PTPRT: variants seen among roughly 807,000 people sequenced by gnomAD.
PTPRT encodes the protein protein tyrosine phosphatase receptor type T, also known as receptor-type tyrosine-protein phosphatase T.
Under a neutral mutation model 176.8 loss-of-function variants are expected in PTPRT, and 56 were observed. The ratio of observed to expected loss-of-function variants is 0.32; its 90% confidence interval spans 0.26 to 0.40. The LOEUF is 0.40. Ranked by LOEUF, PTPRT falls within the 10% of genes least tolerant of loss-of-function variation. The probability of loss-of-function intolerance (pLI) is 1.00; values close to 1 mark genes in which losing one functional copy is unlikely to be tolerated. For synonymous variants in PTPRT, 783 were observed against 739.0 expected (o/e 1.06, Z -0.96); for missense variants, 1,540 against 1,908.2 (o/e 0.81, Z 3.60).
chr20:42,184,532 T>C (rs1413013554), intron 16 of PTPRT, among the ~76,000 whole-genome samples: 12 of 96,816 alleles, frequency 1.2e-4, no homozygotes, highest in Admixed American at 3.1e-4. Flanking sequence ...CTTCTTCTTC[T>C]TCCTCTTCCT....
chr20:43,136,666 C>G (rs892036283), intron 1 of PTPRT, among the ~76,000 whole-genome samples: 3 of 152,156 alleles, frequency 2.0e-5, no homozygotes, highest in African/African-American at 4.8e-5. Context: ...GCAACACCCT[C>G]AGACACCTCC....
intron 1 of PTPRT, chr20:42,969,359 G>A (rs1442421487): frequency 1.3e-5 from 2 of 152,244 alleles, no homozygotes; most frequent in Admixed American, 6.5e-5. Flanking sequence ...AGGTACTCTG[G>A]GCTTCAGATC....
intron 1 of PTPRT, among the ~76,000 whole-genome samples, chr20:43,162,840 T>A (rs1006197496): frequency 1.3e-5 from 2 of 152,218 alleles, no homozygotes; most frequent in Admixed American, 1.3e-4. Flanking sequence ...CCAAGCATCA[T>A]TTCCTGCCAG....
chr20:42,714,531 A>G (rs2076194492), intron 6 of PTPRT, among the ~76,000 whole-genome samples: 3 of 152,240 alleles, frequency 2.0e-5, no homozygotes, highest in African/African-American at 7.2e-5. Flanking sequence ...AGTCTCCAGC[A>G]TCTCATGACA....
intron 8 of PTPRT, among the ~76,000 whole-genome samples, chr20:42,451,672 G>T (rs2070830701): frequency 6.6e-6 from 1 of 152,138 alleles, no homozygotes; most frequent in African/African-American, 2.4e-5. Context: ...GCTCAAGAAG[G>T]TACTGGTCAG....
At chr20:42,467,109 A>G (rs942930633) in intron 8 of PTPRT, among the ~76,000 whole-genome samples, 1 of 152,200 alleles carries the variant, frequency 6.6e-6, no homozygotes, top group African/African-American at 2.4e-5. Flanking sequence ...TTCTCTAAAG[A>G]AGAAGGCTAA....
At chr20:42,846,168 C>G (rs1277438052) in intron 2 of PTPRT, among the ~76,000 whole-genome samples, 2 of 152,190 alleles carry the variant, frequency 1.3e-5, no homozygotes, top group Non-Finnish European at 2.9e-5. Context: ...ACTCGCCATG[C>G]TTTATAACGC....
intron 1 of PTPRT, among the ~76,000 whole-genome samples, chr20:42,963,189 A>G (rs1982101796): frequency 6.6e-6 from 1 of 151,690 alleles, no homozygotes; most frequent in African/African-American, 2.4e-5. Flanking sequence ...ACAGAGCAAG[A>G]CTCCGTCTCA....
chr20:42,985,270 G>C (rs1271817302), intron 1 of PTPRT, among the ~76,000 whole-genome samples: 4 of 152,174 alleles, frequency 2.6e-5, no homozygotes, highest in African/African-American at 9.7e-5. Flanking sequence ...GCCGAGGTGG[G>C]TGGATCATGA....
chr20:42,122,130 T>G (rs879691097), intron 19 of PTPRT, among the ~76,000 whole-genome samples: 22 of 152,180 alleles, frequency 1.4e-4, no homozygotes, highest in Admixed American at 1.0e-3. Flanking sequence ...GTGCAATACA[T>G]ACAGTAACAA....
At chr20:42,345,630 A>G (rs1448685986) in intron 11 of PTPRT, among the ~76,000 whole-genome samples, 3 of 146,048 alleles carry the variant, frequency 2.1e-5, no homozygotes, top group South Asian at 2.2e-4. Context: ...ATATATATGT[A>G]TGATGCCAGA....
At chr20:42,104,978 C>A (rs558497377) in intron 24 of PTPRT, among the ~76,000 whole-genome samples, 2 of 152,156 alleles carry the variant, frequency 1.3e-5, no homozygotes, top group Non-Finnish European at 2.9e-5. Flanking sequence ...GACATGCTGT[C>A]AGCAGGCGCT....
intron 13 of PTPRT, among the ~76,000 whole-genome samples, chr20:42,276,302 C>A (rs2147026821): frequency 6.6e-6 from 1 of 150,880 alleles, no homozygotes; most frequent in Non-Finnish European, 1.5e-5. Context: ...ACTCCTGTCC[C>A]CTCTGGGTTT....
chr20:42,032,946 G>T, the PTPRT span, among the ~76,000 whole-genome samples: 1 of 152,172 alleles, frequency 6.6e-6, no homozygotes, highest in Non-Finnish European at 1.5e-5. Flanking sequence ...CTCCAGTTGA[G>T]ACTTGAGAAG....
At chr20:42,134,736 A>C (rs1988292572) in intron 18 of PTPRT, among the ~76,000 whole-genome samples, 1 of 152,192 alleles carries the variant, frequency 6.6e-6, no homozygotes, top group African/African-American at 2.4e-5. Flanking sequence ...TCAAGCTACC[A>C]ACATAGCATC....
At chr20:42,162,733 C>T (rs1173497160) in intron 16 of PTPRT, among the ~76,000 whole-genome samples, 3 of 152,236 alleles carry the variant, frequency 2.0e-5, no homozygotes, top group African/African-American at 7.2e-5. Flanking sequence ...ATACTCATTC[C>T]CTGGGAGGTT....
intron 2 of PTPRT, among the ~76,000 whole-genome samples, chr20:42,861,985 C>T (rs890449653): frequency 6.6e-6 from 1 of 152,108 alleles, no homozygotes; most frequent in Non-Finnish European, 1.5e-5. Flanking sequence ...ACAATGCAGG[C>T]CACATTTATA....
intron 1 of PTPRT, among the ~76,000 whole-genome samples, chr20:42,999,189 A>G (rs866322917): frequency 2.0e-5 from 3 of 152,194 alleles, no homozygotes; most frequent in South Asian, 2.1e-4. Flanking sequence ...TTTCCGCAAT[A>G]TATTGCTAAG....
At chr20:42,431,741 T>G (rs1355403845) in intron 9 of PTPRT, among the ~76,000 whole-genome samples, 1 of 152,106 alleles carries the variant, frequency 6.6e-6, no homozygotes, top group East Asian at 1.9e-4. Flanking sequence ...TTAACGGGAT[T>G]TCCTACAAAA....
Sources: allele counts gnomAD v4.1 joint callset (sites outside exome capture counted in the v4.1 genomes callset), GRCh38; gene constraint gnomAD v4.1.1; transcripts MANE v1.5; gene names NCBI Gene and HGNC (gene_info 2026-07-23, HGNC 2026-07-21).